Variants in ATXN2 observed in about 807,000 individuals in gnomAD.
ATXN2 encodes the protein ataxin-2.
A neutral mutation model predicts 138.6 loss-of-function variants in ATXN2; 37 were observed. The ratio of observed to expected loss-of-function variants is 0.27; its 90% CI spans 0.21 to 0.35. The LOEUF (loss-of-function observed/expected upper bound fraction) is 0.35, where lower values mean the gene tolerates loss of function less well. Among genes scored for constraint, ATXN2 ranks in the 10% least tolerant of loss-of-function variants. The pLI, the probability that ATXN2 is intolerant of heterozygous loss-of-function variation, is 1.00. For missense variants in ATXN2, 1,216 were observed against 1,480.3 expected, an observed-to-expected ratio of 0.82 and a Z score of 2.93; for synonymous variants, 549 against 543.7, an observed-to-expected ratio of 1.01 and a Z score of -0.13.
chr12:111,531,258 C>T (rs1880816178), intron 5 of ATXN2, among the ~76,000 whole-genome samples: 1 of 151,764 alleles, frequency 6.6e-6, no homozygotes, highest in Admixed American at 6.6e-5. Context: ...ACTAAAAATA[C>T]AAAAATTAGG....
chr12:111,477,868 C>G (rs1003668413), intron 18 of ATXN2, among the ~76,000 whole-genome samples: 2 of 152,094 alleles, frequency 1.3e-5, no homozygotes, highest in African/African-American at 4.8e-5. Flanking sequence ...GCCCTCCAAA[C>G]CCCCGCAACC....
intron 5 of ATXN2, among the ~76,000 whole-genome samples, chr12:111,535,654 G>A (rs1881117337): frequency 6.6e-6 from 1 of 151,488 alleles, no homozygotes; most frequent in African/African-American, 2.4e-5. Context: ...CACAAAGTTG[G>A]TGATGTCTAA....
intron 14 of ATXN2, among the ~76,000 whole-genome samples, chr12:111,497,036 T>C (rs1203264465): frequency 1.3e-5 from 2 of 152,006 alleles, no homozygotes; most frequent in Admixed American, 1.3e-4. Context: ...GACATTATAA[T>C]TGTTACCACC....
intron 6 of ATXN2, among the ~76,000 whole-genome samples, chr12:111,522,205 A>T (rs1880195466): frequency 6.7e-6 from 1 of 149,142 alleles, no homozygotes; most frequent in South Asian, 2.1e-4. Context: ...CTTTAAAATT[A>T]CTTAAGTAAT....
chr12:111,513,040 A>G (rs1408920639), intron 11 of ATXN2: 2 of 269,960 alleles, frequency 7.4e-6, no homozygotes, highest in Non-Finnish European at 1.4e-5. Context: ...ACAAAACTTT[A>G]TAGTTTTACA....
At position 111,453,890 on chromosome 12, in the gene ATXN2, T is replaced by G. The variant is rs1250305692; in HGVS notation, c.3271-45A>C. 1 of 1,553,440 alleles carries G rather than the reference T, an allele frequency of 6.4e-7. No individual in the cohort carries two copies. The highest frequency in any genetic ancestry group is 1.4e-5 in the African/African-American group (1 of 73,534). ...TACGCATACAGGCAACATCTCCGGC[T>G]TCAACAACATGTCAACTGTGTTCCT... On this transcript the variant is annotated intron_variant, in intron 23 of 24. Coordinates refer to ENST00000673436, the MANE Select transcript of ATXN2 (RefSeq NM_001372574.1). The surrounding 1 kb of genome is among the most constrained non-coding windows in gnomAD (Gnocchi z 5.4).
Position 111,456,155 on chromosome 12 carries a change from T to G in ATXN2, c.3144A>C (p.Thr1048=). The part of the protein sequence containing the change: ...AGLAPTPPSM[T]PASNTQSPQN... ...GTGGCGACTGCGTGTTGGAGGCAGG[T>G]GTCATGGAGGGTGGAGTTGGCGCAA... Residue 1048 remains threonine (T), a synonymous_variant, in exon 23 of 25, where the codon ACA becomes ACC. Transcript: ENST00000673436. The G allele has an allele frequency of 2.5e-6, 4 of 1,614,136 alleles. No homozygotes were observed. Among genetic ancestry groups the G allele is most frequent in the Non-Finnish European group, 3.4e-6 (4 of 1,180,014 alleles).
chr12:111,557,084 A>T (rs1882434271), intron 1 of ATXN2, among the ~76,000 whole-genome samples: 1 of 152,224 alleles, frequency 6.6e-6, no homozygotes, highest in Non-Finnish European at 1.5e-5. Context: ...ACTGAAAAAG[A>T]TTAGGCCCCT....
chr12:111,599,458 G>A (rs1182444505), upstream of ATXN2: 44 of 1,207,598 alleles, frequency 3.6e-5, no homozygotes, highest in Non-Finnish European at 4.1e-5. Flanking sequence ...CTGCGGCGAA[G>A]CGGCGAGACT....
At chr12:111,506,644 C>G (rs1331078101) in intron 14 of ATXN2, among the ~76,000 whole-genome samples, 4 of 148,928 alleles carry the variant, frequency 2.7e-5, no homozygotes, top group Non-Finnish European at 4.5e-5. Flanking sequence ...CCCCCTCCCC[C>G]TCCCCCTCCT....
At chr12:111,478,488 A>G (rs1285742598) in intron 18 of ATXN2, among the ~76,000 whole-genome samples, 1 of 152,194 alleles carries the variant, frequency 6.6e-6, no homozygotes, top group African/African-American at 2.4e-5. Context: ...AAACACACAC[A>G]TGATGAGGTG....
intron 1 of ATXN2, among the ~76,000 whole-genome samples, chr12:111,562,060 C>G (rs964442678): frequency 3.3e-5 from 5 of 151,846 alleles, no homozygotes; most frequent in Non-Finnish European, 7.4e-5. Flanking sequence ...ATCCACCCAC[C>G]TCGGCCTTCC....
Position 111,546,043 on chromosome 12 carries a change from T to C in ATXN2, c.571+6237A>G, listed in dbSNP as rs1039709677. Among the ~76,000 whole-genome samples the C allele has an allele frequency of 6.6e-5, 10 of 152,264 alleles. No individual in the cohort carries two copies. In the South Asian group the frequency reaches 1.5e-3, roughly 22 times the overall value. ...AGGTAGTGGTTAGTTGATGGAGATCTTTTCCATTAACCAACCTTCCCCTTT... is the reference window on the plus strand; with the variant it reads ...AGGTAGTGGTTAGTTGATGGAGATCCTTTCCATTAACCAACCTTCCCCTTT... On this transcript the variant is annotated intron_variant, in intron 5 of 24. Transcript: ENST00000673436.
intron 20 of ATXN2, among the ~76,000 whole-genome samples, chr12:111,465,697 G>C (rs1875947628): frequency 6.7e-6 from 1 of 148,666 alleles, no homozygotes; most frequent in South Asian, 2.1e-4. Context: ...TTGAACCTGG[G>C]AGGCAGATGT....
chr12:111,525,454 T>C (rs754244922), intron 5 of ATXN2, 138 bp from the exon 6 acceptor site: 8 of 1,036,150 alleles, frequency 7.7e-6, no homozygotes, highest in Non-Finnish European at 1.1e-5. Flanking sequence ...ACTTAAAATC[T>C]AACAGAAACA....
At chr12:111,580,088 A>G (rs1240545738) in intron 1 of ATXN2, among the ~76,000 whole-genome samples, 1 of 152,026 alleles carries the variant, frequency 6.6e-6, no homozygotes, top group Non-Finnish European at 1.5e-5. Flanking sequence ...AGCTGGGACT[A>G]TGGGTGCACG....
intron 5 of ATXN2, among the ~76,000 whole-genome samples, chr12:111,544,975 C>G (rs1236685056): frequency 6.6e-6 from 1 of 151,528 alleles, no homozygotes; most frequent in Non-Finnish European, 1.5e-5. Context: ...CTAGCTAACA[C>G]GGTGAAACCC....
In ATXN2 at chr12:111,576,132, T is replaced by TAACATAACATAACATAACATAACA. The variant is rs147474684; in HGVS notation, c.252-20214_252-20213insTGTTATGTTATGTTATGTTATGTT. Reference sequence around the variant, plus strand: ...TAACATAACATAACATAACATAACATAACATCACACCAAACCAAACCAATA... The same window carrying TAACATAACATAACATAACATAACA: ...TAACATAACATAACATAACATAACATAACATAACATAACATAACATAACAAACATCACACCAAACCAAACCAATA... On this transcript the variant is annotated intron_variant, in intron 1 of 24. Coordinates refer to ENST00000673436, the MANE Select transcript of ATXN2 (RefSeq NM_001372574.1). Among the ~76,000 whole-genome samples the TAACATAACATAACATAACATAACA allele has an allele frequency of 5.3e-3, 738 of 138,588 alleles. 6 individuals are homozygous for TAACATAACATAACATAACATAACA. The highest frequency in any genetic ancestry group is 0.018 in the African/African-American group (678 of 37,996). 90.9% of individuals were successfully genotyped at this position (138,588 alleles called of 152,430 possible).
Position 111,453,596 on chromosome 12 carries a change from C to T in ATXN2, c.3439+81G>A. 1 of 1,464,354 alleles carries T rather than the reference C, an allele frequency of 6.8e-7. No individual in the cohort carries two copies. Among genetic ancestry groups the T allele is most frequent in the East Asian group, 2.5e-5 (1 of 39,980 alleles). The allele number at this position is 1,464,354 out of a possible 1,614,324, so 90.7% of individuals were successfully genotyped here. ...TAGTTCTCAAATGCGGGGCTTGAAGCACTGGCCCTGCCTGCCATTCCACCT... is the reference window on the plus strand; with the variant it reads ...TAGTTCTCAAATGCGGGGCTTGAAGTACTGGCCCTGCCTGCCATTCCACCT... On this transcript the variant is annotated intron_variant, in intron 24 of 24. Coordinates refer to ENST00000673436, the MANE Select transcript of ATXN2 (RefSeq NM_001372574.1). This position sits in a 1 kb window ranked among gnomAD's most constrained non-coding sequence, Gnocchi z 5.4.
Sources: allele counts gnomAD v4.1 joint callset (sites outside exome capture counted in the v4.1 genomes callset), GRCh38; gene constraint gnomAD v4.1.1; non-coding constraint Gnocchi (gnomAD v3.1); transcripts MANE v1.5; gene names NCBI Gene and HGNC (gene_info 2026-07-23, HGNC 2026-07-21).